PLEKHM3: variants seen among roughly 807,000 people sequenced by gnomAD.
PLEKHM3 encodes pleckstrin homology domain-containing family M member 3.
In PLEKHM3, 45 loss-of-function variants were observed where a neutral mutation model predicts 81.8. The observed-to-expected ratio is 0.55, with a 90% CI of 0.43 to 0.71. The LOEUF (loss-of-function observed/expected upper bound fraction) is 0.71, where lower values mean the gene tolerates loss of function less well. PLEKHM3 is among the 30% of genes least tolerant of loss of function. The probability of loss-of-function intolerance (pLI) is 0.00; values close to 1 mark genes in which losing one functional copy is unlikely to be tolerated. For missense variants in PLEKHM3, 788 were observed against 924.3 expected, an observed-to-expected ratio of 0.85 and a Z score of 1.91; for synonymous variants, 352 against 356.4, an observed-to-expected ratio of 0.99 and a Z score of 0.14.
chr2:208,006,603 TA>T (rs1692501087), intron 1 of PLEKHM3, among the ~76,000 whole-genome samples: 2 of 152,188 alleles, frequency 1.3e-5, no homozygotes, highest in Non-Finnish European at 2.9e-5. Context: ...TTTACAAATG[TA>T]AACTGCTACA....
intron 2 of PLEKHM3, among the ~76,000 whole-genome samples, chr2:207,985,745 G>C (rs1467608583): frequency 6.6e-6 from 1 of 152,028 alleles, no homozygotes; most frequent in African/African-American, 2.4e-5. Context: ...CCACCACTTT[G>C]GGAGGCTGAG....
At chr2:207,929,948 A>T in intron 5 of PLEKHM3, 1 of 695,890 alleles carries the variant, frequency 1.4e-6, no homozygotes, top group Non-Finnish European at 2.6e-6. Context: ...TTTCTATTAA[A>T]ACAAAAAAAT....
At chr2:207,924,590 CAGG>C (rs1419656056) in intron 5 of PLEKHM3, among the ~76,000 whole-genome samples, 1 of 152,126 alleles carries the variant, frequency 6.6e-6, no homozygotes, top group Admixed American at 6.5e-5. Context: ...GAGGCTGAGG[CAGG>C]AGAATTGCTT....
chr2:207,859,433 C>T (rs1009803811), intron 7 of PLEKHM3, among the ~76,000 whole-genome samples: 22 of 151,710 alleles, frequency 1.5e-4, no homozygotes, highest in East Asian at 3.9e-4. Flanking sequence ...CCACCACGCC[C>T]GGCTACTTTT....
chr2:207,880,960 TGG>T lies in PLEKHM3; in HGVS notation c.1951-19700_1951-19699del, dbSNP rs781404507. 5.9e-5 allele frequency among the ~76,000 whole-genome samples: 9 copies of T among 151,620 alleles called. No individual in the cohort carries two copies. The East Asian group carries it at 1.4e-3, about 23-fold the overall frequency. On this transcript the variant is annotated intron_variant, in intron 6 of 7. Transcript: ENST00000427836. ...ATGGAGAACTTGCTTATACTGTTGA[TGG>T]GTATAGGTAATTGTATCCAGAACTT... is the stretch of plus-strand genomic sequence containing the variant.
rs2092253756 is a variant in PLEKHM3, at chr2:207,826,763, A to G, written c.*1556T>C. On this transcript the variant is annotated 3_prime_UTR_variant, in exon 8 of 8. Coordinates refer to ENST00000427836, the MANE Select transcript of PLEKHM3 (RefSeq NM_001080475.3). ...GTTGTGAGCCACTGATCCTAATAGCAGCAAAACTACTAAACCATGAAGACA... is the reference window on the plus strand; with the variant it reads ...GTTGTGAGCCACTGATCCTAATAGCGGCAAAACTACTAAACCATGAAGACA... 1 of 151,640 alleles carries G rather than the reference A, an allele frequency of 6.6e-6. No homozygotes were observed. Among genetic ancestry groups the G allele is most frequent in the Non-Finnish European group, 1.5e-5 (1 of 68,064 alleles). The allele number at this position is 151,640 out of a possible 1,614,324, so 9.4% of individuals were successfully genotyped here.
chr2:207,845,363 G>A (rs2092376808), intron 7 of PLEKHM3, among the ~76,000 whole-genome samples: 1 of 152,188 alleles, frequency 6.6e-6, no homozygotes, highest in Non-Finnish European at 1.5e-5. Context: ...AGTCTGAAAA[G>A]TCAACACATT....
At chr2:207,931,176 C>A (rs1689587294) in intron 4 of PLEKHM3, 57 bp from the exon 5 acceptor site, 1 of 1,461,538 alleles carries the variant, frequency 6.8e-7, no homozygotes, top group Admixed American at 2.3e-5. Flanking sequence ...TCCACACCTG[C>A]TCAAACTAGG....
chr2:207,857,132 T>C lies in PLEKHM3; in HGVS notation c.2108+3973A>G, dbSNP rs540299307. On this transcript the variant is annotated intron_variant, in intron 7 of 7. Coordinates refer to ENST00000427836, the MANE Select transcript of PLEKHM3 (RefSeq NM_001080475.3). ...TTCTGTCTGTTGGACCTGTCAGTTA[T>C]GGACAGAGAAGTGTTGAAGGCTCTA... 2.6e-5 allele frequency among the ~76,000 whole-genome samples: 4 copies of C among 152,352 alleles called. No individual in the cohort carries two copies. In the East Asian group the frequency reaches 7.7e-4, roughly 29 times the overall value.
intron 5 of PLEKHM3, among the ~76,000 whole-genome samples, chr2:207,920,774 C>T (rs1689156005): frequency 6.6e-6 from 1 of 151,572 alleles, no homozygotes; most frequent in Non-Finnish European, 1.5e-5. Context: ...TAGTTAACTT[C>T]GTATTTTTGT....
intron 7 of PLEKHM3, among the ~76,000 whole-genome samples, chr2:207,834,248 GCCTTCCCAAGTA>G (rs2092304965): frequency 2.6e-5 from 4 of 151,600 alleles, no homozygotes; most frequent in Non-Finnish European, 4.4e-5. Context: ...TCCTGCCTCA[GCCTTCCCAAGTA>G]GCTGGGATTA....
chr2:207,893,255 G>T (rs1375129776), intron 6 of PLEKHM3, among the ~76,000 whole-genome samples: 1 of 152,214 alleles, frequency 6.6e-6, no homozygotes, highest in East Asian at 1.9e-4. Flanking sequence ...GTACCATTGT[G>T]CTGCTGTTTG....
chr2:207,951,841 C>G (rs1157202969), intron 3 of PLEKHM3, among the ~76,000 whole-genome samples: 1 of 152,182 alleles, frequency 6.6e-6, no homozygotes, highest in African/African-American at 2.4e-5. Context: ...GAAGAGCCAG[C>G]CACTTTCTCT....
At chr2:207,930,221 G>A (rs1434089050) in intron 5 of PLEKHM3, among the ~76,000 whole-genome samples, 1 of 152,134 alleles carries the variant, frequency 6.6e-6, no homozygotes, top group Non-Finnish European at 1.5e-5. Flanking sequence ...TCCTGGGCCT[G>A]TGCATTTTAA....
intron 7 of PLEKHM3, among the ~76,000 whole-genome samples, chr2:207,846,317 T>C (rs755815075): frequency 2.9e-4 from 44 of 151,916 alleles, no homozygotes; most frequent in Non-Finnish European, 4.9e-4. Flanking sequence ...AATTTTTGTA[T>C]TTTTAGTAGA....
At chr2:207,870,115 A>C (rs2092524890) in intron 6 of PLEKHM3, among the ~76,000 whole-genome samples, 1 of 152,198 alleles carries the variant, frequency 6.6e-6, no homozygotes, top group African/African-American at 2.4e-5. Flanking sequence ...GTCTGCAGCC[A>C]ATAGAGATCT....
chr2:207,885,076 C>T (rs1046028322), intron 6 of PLEKHM3, among the ~76,000 whole-genome samples: 2 of 152,228 alleles, frequency 1.3e-5, no homozygotes, highest in African/African-American at 4.8e-5. Flanking sequence ...CACTCAGACA[C>T]TGCAGAGTTA....
At chr2:207,840,046 T>C (rs1407401224) in intron 7 of PLEKHM3, among the ~76,000 whole-genome samples, 1 of 152,260 alleles carries the variant, frequency 6.6e-6, no homozygotes, top group Non-Finnish European at 1.5e-5. Flanking sequence ...CTGGGAATTC[T>C]GATGAACACA....
At chr2:207,980,391 C>A (rs914185139) in intron 2 of PLEKHM3, among the ~76,000 whole-genome samples, 1 of 152,058 alleles carries the variant, frequency 6.6e-6, no homozygotes, top group Non-Finnish European at 1.5e-5. Context: ...AAGGTTCCCT[C>A]ACCTTCTAGA....
Sources: gnomAD v4.1 joint callset for allele counts (sites outside exome capture counted in the v4.1 genomes callset) on GRCh38, gnomAD v4.1.1 for gene constraint, MANE v1.5 for transcripts, NCBI Gene and HGNC (gene_info 2026-07-23, HGNC 2026-07-21) for gene names.